PUM2: variants seen among roughly 807,000 people sequenced by gnomAD.
PUM2 encodes pumilio RNA binding family member 2.
In PUM2, 57 loss-of-function variants were observed where a neutral mutation model predicts 124.5. That is an observed-to-expected ratio of 0.46 (90% CI 0.37 to 0.57). The LOEUF is 0.57. Ranked by LOEUF, PUM2 falls within the 20% of genes least tolerant of loss-of-function variation. The probability of loss-of-function intolerance (pLI) is 0.00; values close to 1 mark genes in which losing one functional copy is unlikely to be tolerated. For missense variants in PUM2, 1,065 were observed against 1,290.6 expected, an observed-to-expected ratio of 0.83 and a Z score of 2.68; for synonymous variants, 460 against 446.1, an observed-to-expected ratio of 1.03 and a Z score of -0.39.
At chr2:20,285,473 G>C (rs1276337830) in intron 10 of PUM2, among the ~76,000 whole-genome samples, 1 of 152,084 alleles carries the variant, frequency 6.6e-6, no homozygotes, top group African/African-American at 2.4e-5. Flanking sequence ...AGTTTTACCT[G>C]GTACTCATGT....
intron 9 of PUM2, 31 bp from the exon 10 acceptor site, chr2:20,290,821 A>G: frequency 6.8e-7 from 1 of 1,470,300 alleles, no homozygotes; most frequent in Non-Finnish European, 9.1e-7. Context: ...TCTTAAAATC[A>G]ATATAAAATA....
chr2:20,286,211 G>C (rs1332976033), intron 10 of PUM2, among the ~76,000 whole-genome samples: 1 of 152,176 alleles, frequency 6.6e-6, no homozygotes, highest in East Asian at 1.9e-4. Flanking sequence ...GGAGAAAAGA[G>C]GGACAAGAAG....
intron 1 of PUM2, among the ~76,000 whole-genome samples, chr2:20,329,563 A>C (rs1362003288): frequency 6.6e-6 from 1 of 152,172 alleles, no homozygotes; most frequent in Non-Finnish European, 1.5e-5. Context: ...GTTATTAGAG[A>C]AACGTTACAG....
chr2:20,308,026 C>G lies in PUM2; in HGVS notation c.835G>C (p.Ala279Pro), dbSNP rs1678749264. The change falls in exon 7 of 21, where the codon GCT becomes CCT. Residue 279 changes from alanine to proline, a missense_variant. Physicochemically the swap from Ala to Pro is conservative, Grantham distance 27. Coordinates refer to ENST00000361078, the MANE Select transcript of PUM2 (RefSeq NM_015317.5). ...GCTAATGCATATTGCTGCTGTTGAG[C>G]TGCAGTTAACTGTTGAACTGTTAGT... ...NALTVQQLTA[A>P]QQQQYALAAA... 1 of 1,613,364 alleles carries G rather than the reference C, an allele frequency of 6.2e-7. No homozygotes were observed. Among genetic ancestry groups the G allele is most frequent in the Admixed American group, 1.7e-5 (1 of 60,008 alleles).
intron 1 of PUM2, among the ~76,000 whole-genome samples, chr2:20,329,877 T>C (rs1684531522): frequency 6.6e-6 from 1 of 152,128 alleles, no homozygotes; most frequent in South Asian, 2.1e-4. Flanking sequence ...TACATGTAAC[T>C]GGAGTTCCAG....
At chr2:20,349,492 GAAAC>G (rs923682315) in intron 1 of PUM2, among the ~76,000 whole-genome samples, 52 of 150,906 alleles carry the variant, frequency 3.4e-4, no homozygotes, top group African/African-American at 1.1e-3. Flanking sequence ...GCTAGGAAGA[GAAAC>G]AAGTTGAAAA....
chr2:20,316,263 C>CATTT lies in PUM2; in HGVS notation c.160+2273_160+2274insAAAT, dbSNP rs1680910551. On this transcript the variant is annotated intron_variant, in intron 3 of 20. Transcript: ENST00000361078. Reference sequence around the variant, plus strand: ...CTTTGTTGAAATCACCAACATTTTCCAGACTTCCTAACCTTTTAGATTTTA... The same window carrying CATTT: ...CTTTGTTGAAATCACCAACATTTTCCATTTAGACTTCCTAACCTTTTAGATTTTA... Among the ~76,000 whole-genome samples the CATTT allele has an allele frequency of 5.3e-5, 8 of 152,204 alleles. No individual in the cohort carries two copies. In the South Asian group the frequency reaches 1.7e-3, roughly 32 times the overall value.
In PUM2 at chr2:20,255,236, G is replaced by A. The variant is rs2148423467; in HGVS notation, c.2728C>T (p.His910Tyr). The change falls in exon 18 of 21, where the codon CAT becomes TAT. Residue 910 changes from histidine to tyrosine, a missense_variant. His to Tyr is a moderately conservative substitution (Grantham distance 83, BLOSUM62 2). Coordinates refer to ENST00000361078, the MANE Select transcript of PUM2 (RefSeq NM_015317.5). ...TATACCTGTACCAACTGCTCTGTATGTTGGTGGAGTTCTTCTAAGATAGGT... is the reference window on the plus strand; with the variant it reads ...TATACCTGTACCAACTGCTCTGTATATTGGTGGAGTTCTTCTAAGATAGGT... ...TLPILEELHQ[H>Y]TEQLVQDQYG... 2.7e-5 allele frequency: 44 copies of A among 1,601,380 alleles called. No individual in the cohort carries two copies. The highest frequency in any genetic ancestry group is 3.7e-5 in the Non-Finnish European group (43 of 1,168,610).
intron 2 of PUM2, among the ~76,000 whole-genome samples, chr2:20,321,634 AG>A (rs1471026444): frequency 6.6e-6 from 1 of 152,150 alleles, no homozygotes; most frequent in Non-Finnish European, 1.5e-5. Flanking sequence ...ACAGTTAAAG[AG>A]GAAAAAAAAA....
chr2:20,313,037 TCCTTATA>T lies in PUM2; in HGVS notation c.161-621_161-615del, dbSNP rs532329069. On this transcript the variant is annotated intron_variant, in intron 3 of 20. Coordinates refer to ENST00000361078, the MANE Select transcript of PUM2 (RefSeq NM_015317.5). ...TGTAGAAAGCTGAAACTGGATCCCT[TCCTTATA>T]CCTTATACAAAAATTAACTCAAGAT... Among the ~76,000 whole-genome samples, 83 of 152,294 alleles carry T rather than the reference TCCTTATA, an allele frequency of 5.4e-4. 1 individual carries two copies. The highest frequency in any genetic ancestry group is 1.9e-3 in the African/African-American group (80 of 41,560).
At chr2:20,262,004 A>AG (rs970853488) in intron 14 of PUM2, among the ~76,000 whole-genome samples, 15 of 152,290 alleles carry the variant, frequency 9.8e-5, no homozygotes, top group Non-Finnish European at 2.1e-4. Flanking sequence ...CTTAGGTGGG[A>AG]GGACTGCTTG....
At chr2:20,256,250 A>G in intron 16 of PUM2, 80 bp from the exon 17 acceptor site, 1 of 1,283,504 alleles carries the variant, frequency 7.8e-7, no homozygotes, top group Non-Finnish European at 1.0e-6. Context: ...ATTAAAAATT[A>G]AAAATATTAA....
chr2:20,291,529 G>C (rs530338980), intron 9 of PUM2, among the ~76,000 whole-genome samples: 1 of 152,140 alleles, frequency 6.6e-6, no homozygotes, highest in Non-Finnish European at 1.5e-5. Context: ...TCAAGTCCTC[G>C]TCACCCTTAG....
intron 1 of PUM2, among the ~76,000 whole-genome samples, chr2:20,335,527 A>G (rs1391847525): frequency 6.6e-6 from 1 of 152,204 alleles, no homozygotes; most frequent in Non-Finnish European, 1.5e-5. Flanking sequence ...TGAATCATAC[A>G]GTTTTTCAGT....
At chr2:20,291,191 G>T (rs1381330020) in intron 9 of PUM2, among the ~76,000 whole-genome samples, 3 of 152,200 alleles carry the variant, frequency 2.0e-5, no homozygotes, top group Non-Finnish European at 4.4e-5. Flanking sequence ...GGCAGGGCCT[G>T]GAAGACATGC....
rs1197995154 is a variant in PUM2 at position 20,283,162 on chromosome 2, A to T, written c.1505T>A (p.Ile502Asn). The T allele has an allele frequency of 6.2e-7, 1 of 1,614,072 alleles. No individual in the cohort carries two copies. The change falls in exon 12 of 21, where the codon ATT becomes AAT. Residue 502 changes from isoleucine (I) to asparagine (N), a missense_variant. By Grantham distance (149) the Ile-to-Asn change is moderately radical. Transcript: ENST00000361078. ...CTGCTGCTGTGGTGGCTGAGTGCCA[A>T]TTGGCCGAAACAGACCATTTGTGCT... ...TGSTNGLFRP[I>N]GTQPPQQQQQ...
At position 20,251,060 on chromosome 2, in the gene PUM2, A is replaced by C. The variant is rs952210059; in HGVS notation, c.*525T>G. ...TTGTGAATTATCAAAATACAACTTAACTCTTTTTAAAATATTAATAATATT... is the reference window on the plus strand; with the variant it reads ...TTGTGAATTATCAAAATACAACTTACCTCTTTTTAAAATATTAATAATATT... On this transcript the variant is annotated 3_prime_UTR_variant, in exon 21 of 21. Coordinates refer to ENST00000361078, the MANE Select transcript of PUM2 (RefSeq NM_015317.5). 1.3e-5 allele frequency: 2 copies of C among 152,492 alleles called. No homozygotes were observed. Among genetic ancestry groups the C allele is most frequent in the African/African-American group, 4.8e-5 (2 of 41,408 alleles). The allele number at this position is 152,492 out of a possible 1,614,324, so 9.4% of individuals were successfully genotyped here.
chr2:20,301,885 T>C (rs1231141084), intron 7 of PUM2, among the ~76,000 whole-genome samples: 1 of 152,222 alleles, frequency 6.6e-6, no homozygotes, highest in Non-Finnish European at 1.5e-5. Context: ...AGCCACTCAT[T>C]CTTTTTAATG....
At chr2:20,315,849 AAAAAAAAAAC>A (rs1308540113) in intron 3 of PUM2, among the ~76,000 whole-genome samples, 1 of 151,294 alleles carries the variant, frequency 6.6e-6, no homozygotes, top group Non-Finnish European at 1.5e-5. Flanking sequence ...AAAAAAAAAA[AAAAAAAAAAC>A]AAACCAAAAA....
Sources: gnomAD v4.1 joint callset for allele counts (sites outside exome capture counted in the v4.1 genomes callset) on GRCh38, gnomAD v4.1.1 for gene constraint, MANE v1.5 for transcripts, NCBI Gene and HGNC (gene_info 2026-07-23, HGNC 2026-07-21) for gene names.